The following TGM6 variants were observed in gnomAD, a reference collection of about 807,000 sequenced individuals.
The protein encoded by TGM6 is protein-glutamine gamma-glutamyltransferase 6.
In TGM6, 74 loss-of-function variants were observed where a neutral mutation model predicts 77.5. The ratio of observed to expected loss-of-function variants is 0.96; its 90% CI spans 0.79 to 1.16. The LOEUF is 1.16. TGM6 is among the 50% of genes most tolerant of loss of function. The pLI, the probability that TGM6 is intolerant of heterozygous loss-of-function variation, is 0.00. For missense variants in TGM6, 968 were observed against 940.2 expected, an observed-to-expected ratio of 1.03 and a Z score of -0.39; for synonymous variants, 383 against 378.9, an observed-to-expected ratio of 1.01 and a Z score of -0.12.
chr20:2,400,501 A>G, intron 7 of TGM6, 57 bp downstream of exon 7: 1 of 1,611,592 alleles, frequency 6.2e-7, no homozygotes, highest in Non-Finnish European at 8.5e-7. Context: ...AGGTGGAGCA[A>G]GGCCTCATCT....
chr20:2,421,127 C>T (rs774166766), intron 10 of TGM6, among the ~76,000 whole-genome samples: 5 of 152,070 alleles, frequency 3.3e-5, no homozygotes, highest in Non-Finnish European at 5.9e-5. Flanking sequence ...GCTGGGATTA[C>T]GGGCACACAC....
Position 2,432,490 on chromosome 20 carries a change from CG to C in TGM6, c.1969del (p.Val657CysfsTer31). ...GLLQEQLSID[V>X]PTLEPQERAS... Reference sequence around the variant, plus strand: ...CCTTTCTCCCCTCCCCTTCCTCCAGCGTGCCTACCCTGGAGCCTCAGGAGAG... The same window carrying C: ...CCTTTCTCCCCTCCCCTTCCTCCAGCTGCCTACCCTGGAGCCTCAGGAGAG... On this transcript the variant is annotated frameshift_variant and splice_region_variant, in exon 13 of 13. Coordinates refer to ENST00000202625, the MANE Select transcript of TGM6 (RefSeq NM_198994.3). LOFTEE classifies it high-confidence loss of function. 1 of 1,614,020 alleles carries C rather than the reference CG, an allele frequency of 6.2e-7. No homozygotes were observed. The highest frequency in any genetic ancestry group is 1.1e-5 in the South Asian group (1 of 91,082).
chr20:2,427,981 C>G (rs1317164665), intron 10 of TGM6, among the ~76,000 whole-genome samples: 1 of 152,188 alleles, frequency 6.6e-6, no homozygotes, highest in African/African-American at 2.4e-5. Context: ...AAGACTTCTT[C>G]TTTGTCCCAT....
In TGM6 at chr20:2,422,949, C is replaced by CAAAA. The variant is rs3050737; in HGVS notation, c.1678+5390_1678+5393dup. Among the ~76,000 whole-genome samples the CAAAA allele has an allele frequency of 3.9e-3, 446 of 113,338 alleles. 4 individuals are homozygous for CAAAA. Among genetic ancestry groups the CAAAA allele is most frequent in the East Asian group, 0.034 (127 of 3,722 alleles). 74.4% of individuals were successfully genotyped at this position (113,338 alleles called of 152,430 possible). A position where few individuals can be genotyped will look rare whatever the true frequency, so the allele number is the denominator to read the frequency against. On this transcript the variant is annotated intron_variant, in intron 10 of 12. Transcript: ENST00000202625. ...TGGGTAACAAAGGGAGACTCTTTCT[C>CAAAA]AAAAAAAAAAAAAAAAAGTTAACCA...
chr20:2,423,096 AGAAGTTCTACT>A (rs2084867327), intron 10 of TGM6, among the ~76,000 whole-genome samples: 1 of 150,960 alleles, frequency 6.6e-6, no homozygotes, highest in Admixed American at 6.6e-5. Context: ...CAAGTTTGAA[AGAAGTTCTACT>A]GTGAGTAAAA....
intron 10 of TGM6, among the ~76,000 whole-genome samples, chr20:2,426,754 C>G (rs991148421): frequency 6.6e-6 from 1 of 152,120 alleles, no homozygotes; most frequent in African/African-American, 2.4e-5. Context: ...AATTCTTTTT[C>G]TGCATCTATT....
chr20:2,405,921 TAGTA>T (rs1377816013), intron 9 of TGM6, among the ~76,000 whole-genome samples: 2 of 152,146 alleles, frequency 1.3e-5, no homozygotes, highest in East Asian at 3.9e-4. Context: ...GTACATGGCT[TAGTA>T]AGTAAGACGG....
At chr20:2,402,068 T>C (rs932423971) in intron 7 of TGM6, among the ~76,000 whole-genome samples, 3 of 151,506 alleles carry the variant, frequency 2.0e-5, no homozygotes, top group African/African-American at 7.3e-5. Flanking sequence ...TGAAACCCCA[T>C]CTCTACTAAA....
At chr20:2,429,466 GA>G (rs59799305) in intron 10 of TGM6, among the ~76,000 whole-genome samples, 34,946 of 132,724 alleles carry the variant, frequency 0.26, 4,425 homozygotes, top group African/African-American at 0.36. Flanking sequence ...ATAGTAGTCA[GA>G]AAAAAAAAAA....
At chr20:2,400,235 C>T in intron 6 of TGM6, 71 bp from the exon 7 acceptor site, 2 of 1,607,046 alleles carry the variant, frequency 1.2e-6, no homozygotes, top group Non-Finnish European at 1.7e-6. Flanking sequence ...AGCCAGGGCG[C>T]CTGCTGTGGA....
chr20:2,404,642 T>G (rs911636575), intron 9 of TGM6, among the ~76,000 whole-genome samples: 2 of 108,946 alleles, frequency 1.8e-5, no homozygotes, highest in African/African-American at 5.4e-5. Flanking sequence ...CTGGTTGCAC[T>G]TTTTTTTTTT....
At chr20:2,426,029 T>C (rs1242703178) in intron 10 of TGM6, among the ~76,000 whole-genome samples, 1 of 152,210 alleles carries the variant, frequency 6.6e-6, no homozygotes, top group Non-Finnish European at 1.5e-5. Flanking sequence ...AAGTTTGGAA[T>C]CAGTTTGTCA....
intron 1 of TGM6, among the ~76,000 whole-genome samples, chr20:2,392,359 C>A (rs1368952138): frequency 6.6e-6 from 1 of 152,192 alleles, no homozygotes; most frequent in Non-Finnish European, 1.5e-5. Context: ...CTGGAGGAAG[C>A]CTTGCTTGTG....
At chr20:2,402,518 G>A (rs564639326) in intron 7 of TGM6, among the ~76,000 whole-genome samples, 4 of 152,246 alleles carry the variant, frequency 2.6e-5, no homozygotes, top group South Asian at 2.1e-4. Context: ...TGATGTTGGG[G>A]ACTCTGTCAC....
chr20:2,388,867 A>G (rs57084271), intron 1 of TGM6, among the ~76,000 whole-genome samples: 1,887 of 152,348 alleles, frequency 0.012, 35 homozygotes, highest in African/African-American at 0.043. Context: ...CAAGAGTTGC[A>G]TGACAAGTGT....
Position 2,430,489 on chromosome 20 carries a change from A to T in TGM6, c.1722A>T (p.Glu574Asp). The T allele has an allele frequency of 6.2e-7, 1 of 1,614,218 alleles. No individual in the cohort carries two copies. Among genetic ancestry groups the T allele is most frequent in the Non-Finnish European group, 8.5e-7 (1 of 1,180,038 alleles). The stretch of plus-strand genomic sequence containing the variant: ...CAATATCTTACTCTAAGTATAAAGA[A>T]GACCTGACAGAGGACAAGAAGATCC... ...PITISYSKYK[E>D]DLTEDKKILL... Residue 574 changes from glutamate (E) to aspartate (D), a missense_variant, in exon 11 of 13, where the codon GAA becomes GAT. By Grantham distance (45) the Glu-to-Asp change is conservative. Transcript: ENST00000202625.
intron 12 of TGM6, 131 bp downstream of exon 12, chr20:2,431,158 A>C: frequency 9.2e-7 from 1 of 1,092,270 alleles, no homozygotes; most frequent in Non-Finnish European, 1.3e-6. Flanking sequence ...CAGACTATAC[A>C]TATCAGCCTT....
At chr20:2,421,277 G>A (rs2084854949) in intron 10 of TGM6, among the ~76,000 whole-genome samples, 1 of 152,160 alleles carries the variant, frequency 6.6e-6, no homozygotes, top group African/African-American at 2.4e-5. Context: ...GAGCCGCCGT[G>A]CCCGGCTCGA....
intron 1 of TGM6, 30 bp from the exon 2 acceptor site, chr20:2,394,422 G>T (rs1158581269): frequency 7.5e-6 from 12 of 1,610,228 alleles, no homozygotes; most frequent in African/African-American, 4.0e-5. Context: ...GGAGGCCGTG[G>T]CCTCATCTCC....
Sources: gnomAD v4.1 joint callset for allele counts (sites outside exome capture counted in the v4.1 genomes callset) on GRCh38, gnomAD v4.1.1 for gene constraint, MANE v1.5 for transcripts, NCBI Gene and HGNC (gene_info 2026-07-23, HGNC 2026-07-21) for gene names.